The following AGTPBP1 variants were observed in gnomAD, a reference collection of about 807,000 sequenced individuals.
The protein encoded by AGTPBP1 is cytosolic carboxypeptidase 1.
Under a neutral mutation model 143.9 loss-of-function variants are expected in AGTPBP1, and 70 were observed. That is an observed-to-expected ratio of 0.49 (90% CI 0.40 to 0.59). AGTPBP1 has a LOEUF of 0.59. Ranked by LOEUF, AGTPBP1 falls within the 20% of genes least tolerant of loss-of-function variation. The probability of loss-of-function intolerance (pLI) is 0.00; values close to 1 mark genes in which losing one functional copy is unlikely to be tolerated. For synonymous variants in AGTPBP1, 463 were observed against 500.2 expected, an observed-to-expected ratio of 0.93 and a Z score of 0.99; for missense variants, 1,229 against 1,464.5, an observed-to-expected ratio of 0.84 and a Z score of 2.62.
intron 11 of AGTPBP1, among the ~76,000 whole-genome samples, chr9:85,654,860 C>CA (rs904049606): frequency 5.3e-5 from 8 of 150,342 alleles, no homozygotes; most frequent in African/African-American, 1.5e-4. Context: ...AAAATTAAAA[C>CA]AAAAAAAAAG....
chr9:85,630,123 C>T (rs987011099), intron 14 of AGTPBP1, among the ~76,000 whole-genome samples: 3 of 152,110 alleles, frequency 2.0e-5, no homozygotes, highest in African/African-American at 7.2e-5. Flanking sequence ...GGTAAAGAGC[C>T]TAAGAGATGA....
chr9:85,664,260 T>C (rs1834007746), intron 8 of AGTPBP1, among the ~76,000 whole-genome samples: 1 of 152,146 alleles, frequency 6.6e-6, no homozygotes, highest in South Asian at 2.1e-4. Context: ...TTCACAGGTT[T>C]AGCCATATAT....
chr9:85,655,072 A>G (rs1162305538), intron 11 of AGTPBP1, 71 bp downstream of exon 11: 1 of 1,382,326 alleles, frequency 7.2e-7, no homozygotes, highest in Non-Finnish European at 9.6e-7. Context: ...TTAGACATAA[A>G]TAAAAAGAAA....
Position 85,586,937 on chromosome 9 carries a change from T to A in AGTPBP1, c.2927A>T (p.Glu976Val). 2 of 1,613,808 alleles carry A rather than the reference T, an allele frequency of 1.2e-6. No individual in the cohort carries two copies. Among genetic ancestry groups the A allele is most frequent in the Non-Finnish European group, 1.7e-6 (2 of 1,179,872 alleles). ...NGNHRCSLSG[E>V]DLNRQWQSPS... Reference sequence around the variant, plus strand: ...ACTTTGCCACTGCCTATTCAAATCCTCTCCACTTAAAGAACAGCGATGACT... The same window carrying A: ...ACTTTGCCACTGCCTATTCAAATCCACTCCACTTAAAGAACAGCGATGACT... Residue 976 changes from glutamate (E) to valine (V), a missense_variant, in exon 22 of 26, where the codon GAG (glutamate) becomes GTG (valine). Glu to Val is a moderately radical substitution (Grantham distance 121, BLOSUM62 -2). Transcript: ENST00000357081.
chr9:85,714,674 T>A (rs898600769), intron 1 of AGTPBP1, among the ~76,000 whole-genome samples: 1 of 151,666 alleles, frequency 6.6e-6, no homozygotes, highest in African/African-American at 2.4e-5. Context: ...TTCTAAGAAT[T>A]ACAAATCAAA....
At chr9:85,657,022 G>T (rs1047194397) in intron 10 of AGTPBP1, among the ~76,000 whole-genome samples, 11 of 151,486 alleles carry the variant, frequency 7.3e-5, no homozygotes, top group Non-Finnish European at 1.3e-4. Context: ...ACACTCTGGG[G>T]ACTGTTGTGG....
chr9:85,754,815 T>C, the AGTPBP1 span, among the ~76,000 whole-genome samples: 13 of 152,158 alleles, frequency 8.5e-5, no homozygotes, highest in African/African-American at 2.7e-4. Flanking sequence ...AGAAATGTCA[T>C]CACCAGTTGT....
intron 19 of AGTPBP1, among the ~76,000 whole-genome samples, chr9:85,592,041 T>A (rs1829001114): frequency 6.6e-6 from 1 of 152,128 alleles, no homozygotes; most frequent in South Asian, 2.1e-4. Context: ...TGGATCTAGG[T>A]CTCCATAATA....
chr9:85,773,157 C>T, the AGTPBP1 span, among the ~76,000 whole-genome samples: 10 of 146,100 alleles, frequency 6.8e-5, no homozygotes, highest in East Asian at 2.2e-4. Context: ...CCCAGCTACT[C>T]GGGAGGCTGA....
chr9:85,574,637 CAGA>C (rs1274408705), intron 25 of AGTPBP1, among the ~76,000 whole-genome samples: 1 of 151,812 alleles, frequency 6.6e-6, no homozygotes, highest in Non-Finnish European at 1.5e-5. Flanking sequence ...TATATATAAC[CAGA>C]AGGATACTGG....
chr9:85,733,351 T>C (rs143912673), intron 1 of AGTPBP1, among the ~76,000 whole-genome samples: 4 of 152,272 alleles, frequency 2.6e-5, no homozygotes, highest in Non-Finnish European at 5.9e-5. Context: ...CACAAATTTA[T>C]GGAAATTAAA....
the AGTPBP1 span, chr9:85,756,189 A>G: frequency 6.2e-7 from 1 of 1,610,678 alleles, no homozygotes; most frequent in East Asian, 2.2e-5. Context: ...ATAGTTTCTA[A>G]GAAGGAGGCT....
chr9:85,655,038 G>GT, intron 11 of AGTPBP1, 105 bp downstream of exon 11: 1 of 1,016,154 alleles, frequency 9.8e-7, no homozygotes, highest in Non-Finnish European at 1.4e-6. Context: ...ATCACGTTAA[G>GT]TAAGGCCTTC....
chr9:85,729,670 AAC>A lies in AGTPBP1; in HGVS notation c.-34+12103_-34+12104del, dbSNP rs1466856200. The stretch of plus-strand genomic sequence containing the variant: ...GGGTTAATATCTTAAATACATAAGA[AAC>A]ACAACTCAATAGCAAAAAAAAAAAG... On this transcript the variant is annotated intron_variant, in intron 1 of 25. Coordinates refer to ENST00000357081, the MANE Select transcript of AGTPBP1 (RefSeq NM_001330701.2). 3.9e-5 allele frequency among the ~76,000 whole-genome samples: 6 copies of A among 152,278 alleles called. No homozygotes were observed. In the East Asian group the frequency reaches 1.2e-3, roughly 29 times the overall value.
At chr9:85,558,901 G>C (rs1002953739) in intron 25 of AGTPBP1, among the ~76,000 whole-genome samples, 1 of 152,168 alleles carries the variant, frequency 6.6e-6, no homozygotes, top group Non-Finnish European at 1.5e-5. Flanking sequence ...TTACAGGCGT[G>C]AGCCACTGCA....
At chr9:85,775,587 A>AATAT in the AGTPBP1 span, among the ~76,000 whole-genome samples, 4 of 147,206 alleles carry the variant, frequency 2.7e-5, no homozygotes, top group Non-Finnish European at 6.0e-5. Flanking sequence ...ATATTATATA[A>AATAT]ATATATATAT....
At chr9:85,787,730 C>T in the AGTPBP1 span, among the ~76,000 whole-genome samples, 1 of 152,198 alleles carries the variant, frequency 6.6e-6, no homozygotes, top group Non-Finnish European at 1.5e-5. Context: ...TTCTTTGTTA[C>T]TTTTCCAAAA....
chr9:85,661,132 ATC>A (rs1019999854), intron 8 of AGTPBP1, among the ~76,000 whole-genome samples, 159 bp from the exon 9 acceptor site: 1 of 152,086 alleles, frequency 6.6e-6, no homozygotes. Flanking sequence ...CTCCGTATGC[ATC>A]TCTCTCTTCA....
intron 25 of AGTPBP1, among the ~76,000 whole-genome samples, chr9:85,560,444 T>C (rs924563899): frequency 3.9e-5 from 6 of 152,186 alleles, no homozygotes; most frequent in Non-Finnish European, 8.8e-5. Flanking sequence ...GCTACTCACA[T>C]AGGACCAAAA....
Sources: allele counts gnomAD v4.1 joint callset (sites outside exome capture counted in the v4.1 genomes callset), GRCh38; gene constraint gnomAD v4.1.1; transcripts MANE v1.5; gene names NCBI Gene and HGNC (gene_info 2026-07-23, HGNC 2026-07-21).